Variants in KNTC1 observed in about 807,000 individuals in gnomAD.
The protein encoded by KNTC1 is kinetochore associated 1.
In KNTC1, 253 loss-of-function variants were observed where a neutral mutation model predicts 314.4. The observed-to-expected ratio is 0.80, with a 90% confidence interval of 0.73 to 0.89. The LOEUF (loss-of-function observed/expected upper bound fraction) is 0.89. Among genes scored for constraint, KNTC1 ranks in the 40% least tolerant of loss-of-function variants. The probability of loss-of-function intolerance (pLI) is 0.00; values close to 1 mark genes in which losing one functional copy is unlikely to be tolerated. For missense variants in KNTC1, 2,475 were observed against 2,572.9 expected (o/e 0.96, Z 0.82); for synonymous variants, 901 against 901.4 (o/e 1.00, Z 0.01).
At chr12:122,529,070 C>T (rs1961089616) in intron 1 of KNTC1, among the ~76,000 whole-genome samples, 1 of 152,138 alleles carries the variant, frequency 6.6e-6, no homozygotes, top group Non-Finnish European at 1.5e-5. Flanking sequence ...TCTCAAACTC[C>T]TGACCTCAGA....
rs758389432 is a variant in KNTC1, at chr12:122,597,818, T to C, written c.4443T>C (p.Asp1481=). 5.0e-6 allele frequency: 8 copies of C among 1,614,032 alleles called. No individual in the cohort carries two copies. The highest frequency in any genetic ancestry group is 1.6e-4 in the Middle Eastern group (1 of 6,062). The stretch of plus-strand genomic sequence containing the variant: ...CAAATGCCGGCCAAGGCCAGGGAGA[T>C]GCAAGCATGGACTCTGCAAAGCGGC... ...HNTNAGQGQG[D]ASMDSAKRRH... is the part of the protein sequence containing the mutation. Residue 1481 remains aspartate, a synonymous_variant, in exon 44 of 64, where the codon GAT becomes GAC. Coordinates refer to ENST00000333479, the MANE Select transcript of KNTC1 (RefSeq NM_014708.6).
chr12:122,568,306 A>G lies in KNTC1; in HGVS notation c.1650A>G (p.Lys550=), dbSNP rs1297851441. ...IEFLNNEDDL[K]DIFLQLKEGN... ...TTCTAAATAATGAAGATGATCTTAA[A>G]GATATTTTTTTACAGCTAAAAGAAG... Residue 550 remains lysine (K), a synonymous_variant, in exon 21 of 64, where the codon AAA becomes AAG. Coordinates refer to ENST00000333479, the MANE Select transcript of KNTC1 (RefSeq NM_014708.6). 3.8e-6 allele frequency: 6 copies of G among 1,593,144 alleles called. No homozygotes were observed. Among genetic ancestry groups the G allele is most frequent in the Non-Finnish European group, 5.2e-6 (6 of 1,161,992 alleles).
chr12:122,606,922 T>G (rs1339139567), intron 51 of KNTC1, among the ~76,000 whole-genome samples: 2 of 152,164 alleles, frequency 1.3e-5, no homozygotes, highest in African/African-American at 4.8e-5. Context: ...AATCAGAAAT[T>G]TAATGGTGAT....
chr12:122,618,314 A>G (rs779327936), intron 57 of KNTC1, 29 bp from the exon 58 acceptor site: 8 of 1,607,674 alleles, frequency 5.0e-6, no homozygotes, highest in Non-Finnish European at 4.3e-6. Context: ...CTTAACATGA[A>G]TATCCCAAAC....
chr12:122,528,323 G>A (rs1960954877), intron 1 of KNTC1, among the ~76,000 whole-genome samples: 1 of 152,100 alleles, frequency 6.6e-6, no homozygotes, highest in South Asian at 2.1e-4. Context: ...CTGTTCCCTT[G>A]CTTATGCTCT....
chr12:122,562,103 A>T, intron 19 of KNTC1, 129 bp downstream of exon 19: 1 of 863,750 alleles, frequency 1.2e-6, no homozygotes, highest in Non-Finnish European at 1.8e-6. Flanking sequence ...TATCTGCAAA[A>T]TGGTAATATT....
rs775432207 is a variant in KNTC1 at position 122,604,979 on chromosome 12, G to A, written c.5278G>A (p.Glu1760Lys). The change falls in exon 50 of 64, where the codon GAG becomes AAG. Residue 1760 changes from glutamate (E) to lysine (K), a missense_variant. Glu to Lys is a moderately conservative substitution (Grantham distance 56). Transcript: ENST00000333479. ...AVLIAHKLNT[E>K]EYLRVIGKPA... ...GCTCATAGCCCACAAGCTGAACACT[G>A]AGGAATATTTAAGAGTGATCGGAAA... 1 of 1,612,938 alleles carries A rather than the reference G, an allele frequency of 6.2e-7. No homozygotes were observed. Among genetic ancestry groups the A allele is most frequent in the African/African-American group, 1.3e-5 (1 of 75,052 alleles).
At chr12:122,586,169 G>C (rs559478186) in intron 37 of KNTC1, among the ~76,000 whole-genome samples, 1 of 152,272 alleles carries the variant, frequency 6.6e-6, no homozygotes, top group Admixed American at 6.5e-5. Context: ...TGCAACCTCT[G>C]CCTCCTGGGT....
chr12:122,568,375 A>T lies in KNTC1; in HGVS notation c.1716+3A>T. On this transcript the variant is annotated splice_donor_region_variant and intron_variant, in intron 21 of 63. Coordinates refer to ENST00000333479, the MANE Select transcript of KNTC1 (RefSeq NM_014708.6). ...AGTATCTTTGGCTTCGACATCGGGT[A>T]ACATGTTTTACATTTTTTCCTTAAC... 1 of 1,520,416 alleles carries T rather than the reference A, an allele frequency of 6.6e-7. No individual in the cohort carries two copies. Among genetic ancestry groups the T allele is most frequent in the Non-Finnish European group, 9.1e-7 (1 of 1,096,210 alleles). 94.2% of individuals were successfully genotyped at this position (1,520,416 alleles called of 1,614,324 possible). A position where few individuals can be genotyped will look rare whatever the true frequency, so the allele number is the denominator to read the frequency against.
At chr12:122,616,145 A>G (rs1358010419) in intron 57 of KNTC1, among the ~76,000 whole-genome samples, 1 of 152,190 alleles carries the variant, frequency 6.6e-6, no homozygotes, top group Non-Finnish European at 1.5e-5. Flanking sequence ...TTGTTTGATA[A>G]ATTAGAACAA....
intron 51 of KNTC1, among the ~76,000 whole-genome samples, chr12:122,607,717 C>T (rs978680138): frequency 3.9e-5 from 6 of 152,124 alleles, no homozygotes; most frequent in African/African-American, 1.4e-4. Flanking sequence ...ATATTCCATT[C>T]CTCTTCCAAC....
At position 122,534,677 on chromosome 12, in the gene KNTC1, C is replaced by T; in HGVS notation, c.143C>T (p.Pro48Leu). Reference sequence around the variant, plus strand: ...TCTCTCCCACAGGCCTCATTAAATCCAAAGATACAGGCATGCAGCTTAAGT... The same window carrying T: ...TCTCTCCCACAGGCCTCATTAAATCTAAAGATACAGGCATGCAGCTTAAGT... ...KISSEKASLN[P>L]KIQACSLSDG... The change falls in exon 3 of 64, where the codon CCA becomes CTA. Residue 48 changes from proline to leucine, a missense_variant. Coordinates refer to ENST00000333479, the MANE Select transcript of KNTC1 (RefSeq NM_014708.6). 6.2e-7 allele frequency: 1 copy of T among 1,608,360 alleles called. No individual in the cohort carries two copies. The highest frequency in any genetic ancestry group is 8.5e-7 in the Non-Finnish European group (1 of 1,176,760).
Position 122,532,037 on chromosome 12 carries a change from GT to G in KNTC1, c.129+1859del, listed in dbSNP as rs71085818. On this transcript the variant is annotated intron_variant, in intron 2 of 63. Coordinates refer to ENST00000333479, the MANE Select transcript of KNTC1 (RefSeq NM_014708.6). ...CTTGAGCCACCGCACCCGGCCATTT[GT>G]TTTTTTTTTTTTTAAGAGAGACTCT... 1.5e-3 allele frequency among the ~76,000 whole-genome samples: 194 copies of G among 126,636 alleles called. 1 individual carries two copies. Among genetic ancestry groups the G allele is most frequent in the African/African-American group, 3.1e-3 (104 of 33,690 alleles). The allele number at this position is 126,636 out of a possible 152,430, so 83.1% of individuals were successfully genotyped here. A position where few individuals can be genotyped will look rare whatever the true frequency, so the allele number is the denominator to read the frequency against.
At chr12:122,573,384 G>A in intron 26 of KNTC1, 99 bp downstream of exon 26, 1 of 1,090,082 alleles carries the variant, frequency 9.2e-7, no homozygotes, top group Non-Finnish European at 1.3e-6. Context: ...TGCTTTCTCA[G>A]TAGGACTCAT....
rs1873353294 is a variant in KNTC1, at chr12:122,613,068, A to G, written c.5623-44A>G. ...TGTTGAAACTCATTTACCCAACTAC[A>G]ATGTGCAGGTGTTCAACTCTCCAAA... On this transcript the variant is annotated intron_variant, in intron 53 of 63. Coordinates refer to ENST00000333479, the MANE Select transcript of KNTC1 (RefSeq NM_014708.6). The G allele has an allele frequency of 4.1e-6, 4 of 979,344 alleles. No homozygotes were observed. The East Asian group carries it at 9.5e-5, about 23-fold the overall frequency. 60.7% of individuals were successfully genotyped at this position (979,344 alleles called of 1,614,324 possible).
rs570368384 is a variant in KNTC1 at position 122,593,317 on chromosome 12, G to A, written c.4246-959G>A. ...TCTTGCTCTTTTGCCAGGCTGGAGT[G>A]CAGTGGGACGATCTCGGCTCACTGC... On this transcript the variant is annotated intron_variant, in intron 42 of 63. Transcript: ENST00000333479. The A allele has an allele frequency of 1.1e-4, 16 of 145,762 alleles. No homozygotes were observed. In the South Asian group the frequency reaches 3.3e-3, roughly 30 times the overall value. 9.0% of individuals were successfully genotyped at this position (145,762 alleles called of 1,614,324 possible). A position where few individuals can be genotyped will look rare whatever the true frequency, so the allele number is the denominator to read the frequency against.
chr12:122,573,355 C>T (rs1964819159), intron 26 of KNTC1, 70 bp downstream of exon 26: 5 of 1,337,832 alleles, frequency 3.7e-6, no homozygotes, highest in African/African-American at 2.9e-5. Flanking sequence ...AAATATTTAA[C>T]TCTTTAAGGA....
chr12:122,575,582 G>C lies in KNTC1; in HGVS notation c.2422G>C (p.Val808Leu). The C allele has an allele frequency of 6.3e-7, 1 of 1,598,078 alleles. No homozygotes were observed. The highest frequency in any genetic ancestry group is 8.5e-7 in the Non-Finnish European group (1 of 1,172,090). The change falls in exon 28 of 64, where the codon GTG becomes CTG. Residue 808 changes from valine to leucine, a missense_variant. Physicochemically the swap from Val to Leu is conservative, Grantham distance 32 (BLOSUM62 1). Coordinates refer to ENST00000333479, the MANE Select transcript of KNTC1 (RefSeq NM_014708.6). ...DAVLKIMYAA[V>L]VPWSAAVEQL... is the part of the protein sequence containing the mutation. ...CGTGCTCAAGATCATGTATGCGGCAGTGGTTCCTTGGAGTGCAGCTGTGGA... is the reference window on the plus strand; with the variant it reads ...CGTGCTCAAGATCATGTATGCGGCACTGGTTCCTTGGAGTGCAGCTGTGGA...
intron 45 of KNTC1, 126 bp from the exon 46 acceptor site, chr12:122,602,443 G>A: frequency 1.6e-6 from 1 of 606,192 alleles, no homozygotes; most frequent in Non-Finnish European, 2.9e-6. Flanking sequence ...AAAAGGTTTT[G>A]ATCCTCTTTC....
Sources: gnomAD v4.1 joint callset for allele counts (sites outside exome capture counted in the v4.1 genomes callset) on GRCh38, gnomAD v4.1.1 for gene constraint, MANE v1.5 for transcripts, NCBI Gene and HGNC (gene_info 2026-07-23, HGNC 2026-07-21) for gene names.